Variants in PRKAR1B observed in about 807,000 individuals in gnomAD.
PRKAR1B encodes the protein protein kinase cAMP-dependent type I regulatory subunit beta.
Under a neutral mutation model 46.5 loss-of-function variants are expected in PRKAR1B, and 22 were observed. The observed-to-expected ratio is 0.47, with a 90% CI of 0.34 to 0.68. The LOEUF (loss-of-function observed/expected upper bound fraction) is 0.68. Among genes scored for constraint, PRKAR1B ranks in the 30% least tolerant of loss-of-function variants. The probability of loss-of-function intolerance (pLI) is 0.01; values close to 1 mark genes in which losing one functional copy is unlikely to be tolerated. For synonymous variants in PRKAR1B, 259 were observed against 217.7 expected, an observed-to-expected ratio of 1.19 and a Z score of -1.67; for missense variants, 445 against 535.6, an observed-to-expected ratio of 0.83 and a Z score of 1.67.
At position 644,469 on chromosome 7, in the gene PRKAR1B, G is replaced by C. The variant is rs1036682999; in HGVS notation, c.440+32760C>G. On this transcript the variant is annotated intron_variant, in intron 4 of 10. Transcript: ENST00000537384. The surrounding 1 kb of genome is among the most constrained non-coding windows in gnomAD (Gnocchi z 4.9). ...TCTCTGCCTGCAGGCTCTTGCATCA[G>C]GAGGGAAGCCCCACTCGGACGCCAT... is the stretch of plus-strand genomic sequence containing the variant. Among the ~76,000 whole-genome samples the C allele has an allele frequency of 2.0e-5, 3 of 152,164 alleles. No individual in the cohort carries two copies. Among genetic ancestry groups the C allele is most frequent in the African/African-American group, 7.2e-5 (3 of 41,438 alleles).
chr7:624,151 G>A (rs909571842), intron 4 of PRKAR1B, among the ~76,000 whole-genome samples: 1 of 152,226 alleles, frequency 6.6e-6, no homozygotes, highest in African/African-American at 2.4e-5. Flanking sequence ...TATGCATGCT[G>A]ACCAAGCATG....
chr7:674,142 G>A (rs936972262), intron 4 of PRKAR1B, among the ~76,000 whole-genome samples: 6 of 152,190 alleles, frequency 3.9e-5, no homozygotes, highest in Admixed American at 1.3e-4. Flanking sequence ...AGGTCCCAGA[G>A]ACTAGGTCGT....
At chr7:670,735 G>C (rs111777210) in intron 4 of PRKAR1B, among the ~76,000 whole-genome samples, 14 of 149,348 alleles carry the variant, frequency 9.4e-5, no homozygotes, top group African/African-American at 2.4e-5. Context: ...ACTCAGGACC[G>C]AGGACGGCCC....
At chr7:680,850 G>T in intron 2 of PRKAR1B, 124 bp from the exon 3 acceptor site, 2 of 1,131,826 alleles carry the variant, frequency 1.8e-6, no homozygotes, top group Non-Finnish European at 2.5e-6. Flanking sequence ...GAACTCAGGA[G>T]TTGGACATAC....
chr7:551,180 G>A (rs945579574), intron 10 of PRKAR1B, among the ~76,000 whole-genome samples: 7 of 152,120 alleles, frequency 4.6e-5, no homozygotes, highest in Non-Finnish European at 7.4e-5. Flanking sequence ...TCCAGGGCTC[G>A]TTGCTCCTGG....
intron 4 of PRKAR1B, among the ~76,000 whole-genome samples, chr7:647,756 G>A (rs191819078): frequency 0.023 from 3,135 of 135,642 alleles, 73 homozygotes; most frequent in Non-Finnish European, 0.029. Flanking sequence ...GCAGTGAGCC[G>A]AGATCGCACC....
chr7:611,334 G>A (rs1263644668), intron 4 of PRKAR1B, among the ~76,000 whole-genome samples: 7 of 152,226 alleles, frequency 4.6e-5, no homozygotes, highest in Admixed American at 1.3e-4. Context: ...GGGCCTGAGC[G>A]TCTGGGACGG....
intron 4 of PRKAR1B, among the ~76,000 whole-genome samples, chr7:659,994 C>T (rs190682518): frequency 1.8e-3 from 270 of 152,202 alleles, no homozygotes; most frequent in African/African-American, 5.9e-3. Context: ...CCTTGAGGCA[C>T]GAGGAGCCAG....
In PRKAR1B at chr7:600,336, C is replaced by A. The variant is rs146791664; in HGVS notation, c.550-4032G>T. Among the ~76,000 whole-genome samples the A allele has an allele frequency of 3.1e-3, 478 of 152,190 alleles. 2 individuals carry two copies. Among genetic ancestry groups the A allele is most frequent in the Non-Finnish European group, 5.9e-3 (404 of 68,014 alleles). ...CCTGGGCAACACAGCAAGACCCCGT[C>A]TCTATGAAAAACTTTAAAATTAGCT... On this transcript the variant is annotated intron_variant, in intron 6 of 10. Transcript: ENST00000537384.
At chr7:687,406 C>T (rs758299069) in intron 2 of PRKAR1B, among the ~76,000 whole-genome samples, 3 of 151,874 alleles carry the variant, frequency 2.0e-5, no homozygotes, top group Non-Finnish European at 4.4e-5. Context: ...ATGCTAGAAT[C>T]AAAAAAACAT....
chr7:567,795 A>C (rs1036592349), intron 9 of PRKAR1B, among the ~76,000 whole-genome samples: 1 of 152,140 alleles, frequency 6.6e-6, no homozygotes, highest in Admixed American at 6.5e-5. Context: ...ATCCTGTCAG[A>C]TCTCCCTTAT....
At chr7:727,897 A>G (rs569002944), upstream of PRKAR1B, among the ~76,000 whole-genome samples, 1 of 149,650 alleles carries the variant, frequency 6.7e-6, no homozygotes, top group East Asian at 2.0e-4. Context: ...AATTCCTGTT[A>G]GGCGGTTTGG....
Position 560,863 on chromosome 7 carries a change from G to A in PRKAR1B, c.892-9393C>T, listed in dbSNP as rs1226727125. On this transcript the variant is annotated intron_variant, in intron 9 of 10. Coordinates refer to ENST00000537384, the MANE Select transcript of PRKAR1B (RefSeq NM_001164760.2). This position sits in a 1 kb window ranked among gnomAD's most constrained non-coding sequence, Gnocchi z 4.2. ...GGACAGACACCAAATGCCTTCTCAG[G>A]GCCACGGGGGCCACGACACGTTCCT... Among the ~76,000 whole-genome samples, 1 of 152,150 alleles carries A rather than the reference G, an allele frequency of 6.6e-6. No individual in the cohort carries two copies. Among genetic ancestry groups the A allele is most frequent in the Non-Finnish European group, 1.5e-5 (1 of 68,026 alleles).
chr7:651,505 C>A (rs749520512), intron 4 of PRKAR1B, among the ~76,000 whole-genome samples: 6 of 151,828 alleles, frequency 4.0e-5, no homozygotes, highest in Non-Finnish European at 7.4e-5. Context: ...CCTGGGAAAC[C>A]CCCTGTCAGA....
At chr7:580,230 CAAA>C (rs1325090684) in intron 8 of PRKAR1B, among the ~76,000 whole-genome samples, 29 of 104,826 alleles carry the variant, frequency 2.8e-4, no homozygotes, top group Admixed American at 4.2e-4. Flanking sequence ...CACCCTGTCT[CAAA>C]AAAAAAAAAA....
At position 560,752 on chromosome 7, in the gene PRKAR1B, G is replaced by C. The variant is rs1201261799; in HGVS notation, c.892-9282C>G. Reference sequence around the variant, plus strand: ...AACCAATGCTACAGAGCGGCGGTGAGGCCAGATTACCCCAGCTCCAGGAGT... The same window carrying C: ...AACCAATGCTACAGAGCGGCGGTGACGCCAGATTACCCCAGCTCCAGGAGT... On this transcript the variant is annotated intron_variant, in intron 9 of 10. Coordinates refer to ENST00000537384, the MANE Select transcript of PRKAR1B (RefSeq NM_001164760.2). The surrounding 1 kb of genome is among the most constrained non-coding windows in gnomAD (Gnocchi z 4.2). Among the ~76,000 whole-genome samples, 1 of 152,230 alleles carries C rather than the reference G, an allele frequency of 6.6e-6. No individual in the cohort carries two copies. Among genetic ancestry groups the C allele is most frequent in the Admixed American group, 6.5e-5 (1 of 15,286 alleles).
chr7:707,775 C>T (rs1472092298), intron 2 of PRKAR1B, among the ~76,000 whole-genome samples: 3 of 152,164 alleles, frequency 2.0e-5, no homozygotes, highest in East Asian at 1.9e-4. Flanking sequence ...CCTGGACCAC[C>T]CACAATCGCC....
chr7:563,765 G>A (rs1018110233), intron 9 of PRKAR1B, among the ~76,000 whole-genome samples: 1 of 151,894 alleles, frequency 6.6e-6, no homozygotes, highest in Admixed American at 6.6e-5. Flanking sequence ...GTGCTCAGGT[G>A]TGCATGCATG....
At chr7:664,874 A>G (rs1583384578) in intron 4 of PRKAR1B, among the ~76,000 whole-genome samples, 1 of 152,280 alleles carries the variant, frequency 6.6e-6, no homozygotes, top group East Asian at 1.9e-4. Flanking sequence ...AGATCGTGCC[A>G]CTACACTCCA....
Sources: gnomAD v4.1 joint callset for allele counts (sites outside exome capture counted in the v4.1 genomes callset) on GRCh38, gnomAD v4.1.1 for gene constraint, Gnocchi (gnomAD v3.1) non-coding constraint, MANE v1.5 for transcripts, NCBI Gene and HGNC (gene_info 2026-07-23, HGNC 2026-07-21) for gene names.